The following OR6C1 variants were observed in gnomAD, a reference collection of about 807,000 sequenced individuals.
OR6C1 encodes olfactory receptor 6C1.
For missense variants in OR6C1, 386 were observed against 366.1 expected (o/e 1.05, Z -0.44); for synonymous variants, 157 against 133.3 (o/e 1.18, Z -1.22).
In OR6C1 at chr12:55,321,022, G is replaced by C; in HGVS notation, c.423G>C (p.Leu141=). 1 of 1,613,682 alleles carries C rather than the reference G, an allele frequency of 6.2e-7. No individual in the cohort carries two copies. The highest frequency in any genetic ancestry group is 8.5e-7 in the Non-Finnish European group (1 of 1,179,838). ...LSIMNRRVCT[L]LVFTSWLVSF... is the part of the protein sequence containing the mutation. ...TCATGAATCGAAGAGTCTGCACACT[G>C]CTTGTTTTTACTTCTTGGCTGGTTT... The change falls in exon 2 of 2, where the codon CTG becomes CTC. Residue 141 remains leucine (L), a synonymous_variant. Transcript: ENST00000642104.
At chr12:55,320,215 A>G (rs1868503972) in intron 1 of OR6C1, among the ~76,000 whole-genome samples, 1 of 152,106 alleles carries the variant, frequency 6.6e-6, no homozygotes, top group African/African-American at 2.4e-5. Context: ...TAAATAGGAA[A>G]CTTGTATAGG....
intron 1 of OR6C1, among the ~76,000 whole-genome samples, chr12:55,315,459 A>G (rs960631959): frequency 7.2e-5 from 11 of 151,732 alleles, no homozygotes; most frequent in Admixed American, 5.9e-4. Context: ...TATTTTCCAG[A>G]AACCTTTACA....
intron 1 of OR6C1, among the ~76,000 whole-genome samples, chr12:55,319,127 T>C (rs965348103): frequency 2.6e-5 from 4 of 151,364 alleles, no homozygotes. Flanking sequence ...AAATGACACA[T>C]AGGTAGGCTG....
At chr12:55,316,326 G>C (rs1053698317) in intron 1 of OR6C1, among the ~76,000 whole-genome samples, 1 of 151,698 alleles carries the variant, frequency 6.6e-6, no homozygotes, top group Admixed American at 6.6e-5. Flanking sequence ...GCAAGATATA[G>C]GGTTGTTTCT....
At chr12:55,320,135 C>T (rs777880800) in intron 1 of OR6C1, among the ~76,000 whole-genome samples, 19 of 151,504 alleles carry the variant, frequency 1.3e-4, no homozygotes, top group Non-Finnish European at 2.2e-4. Context: ...AGTGAGACTC[C>T]ACCTCAAAAA....
intron 1 of OR6C1, among the ~76,000 whole-genome samples, chr12:55,315,932 T>G (rs750267150): frequency 6.6e-6 from 1 of 151,470 alleles, no homozygotes; most frequent in African/African-American, 2.4e-5. Flanking sequence ...AGCAATATAG[T>G]TTTTGAAGAT....
intron 1 of OR6C1, among the ~76,000 whole-genome samples, chr12:55,317,433 G>T (rs893301183): frequency 3.3e-5 from 5 of 151,772 alleles, no homozygotes; most frequent in African/African-American, 1.2e-4. Context: ...TTTAAATTTA[G>T]CCAATACGGT....
intron 1 of OR6C1, among the ~76,000 whole-genome samples, 179 bp downstream of exon 1, chr12:55,314,778 A>G (rs995132020): frequency 6.6e-6 from 1 of 151,602 alleles, no homozygotes. Context: ...TCTAATAATT[A>G]AAAGCAGGAA....
rs1316996345 is a variant in OR6C1, at chr12:55,320,743, G to T, written c.144G>T (p.Leu48=). The change falls in exon 2 of 2, where the codon CTG becomes CTT. Residue 48 remains leucine, a synonymous_variant. Coordinates refer to ENST00000642104, the MANE Select transcript of OR6C1 (RefSeq NM_001005182.2). Reference sequence around the variant, plus strand: ...ACCTGACCCTTATCACAATTACCCTGCTGGATTCCCACCTGCAGACCCCCA... The same window carrying T: ...ACCTGACCCTTATCACAATTACCCTTCTGGATTCCCACCTGCAGACCCCCA... ...TGNLTLITIT[L]LDSHLQTPMY... 6.2e-7 allele frequency: 1 copy of T among 1,613,900 alleles called. No homozygotes were observed. The highest frequency in any genetic ancestry group is 8.5e-7 in the Non-Finnish European group (1 of 1,179,988).
chr12:55,315,367 C>G (rs1044506208), intron 1 of OR6C1, among the ~76,000 whole-genome samples: 1 of 151,610 alleles, frequency 6.6e-6, no homozygotes, highest in African/African-American at 2.4e-5. Context: ...CCACAGTTTT[C>G]TGTTAATTTA....
At chr12:55,318,131 A>C (rs1868444284) in intron 1 of OR6C1, among the ~76,000 whole-genome samples, 1 of 151,690 alleles carries the variant, frequency 6.6e-6, no homozygotes, top group Admixed American at 6.6e-5. Context: ...GTTATTACTA[A>C]TGAAGAGCAG....
rs1440209295 is a variant in OR6C1, at chr12:55,321,380, TCAG to T, written c.784_786del (p.Ala262del). On this transcript the variant is annotated inframe_deletion, in exon 2 of 2. Coordinates refer to ENST00000642104, the MANE Select transcript of OR6C1 (RefSeq NM_001005182.2). ...CTGCATTTTTATGTACATTAAACCC[TCAG>T]CAAAAGATAGAGTGTCCTTGAGCAA... 6.2e-7 allele frequency: 1 copy of T among 1,613,998 alleles called. No individual in the cohort carries two copies.
intron 1 of OR6C1, among the ~76,000 whole-genome samples, chr12:55,316,020 A>G (rs1394712462): frequency 4.0e-5 from 6 of 151,572 alleles, no homozygotes; most frequent in Non-Finnish European, 5.9e-5. Flanking sequence ...AAATTTAAAA[A>G]CTAGATTTTC....
chr12:55,315,907 A>T (rs1868400119), intron 1 of OR6C1, among the ~76,000 whole-genome samples: 1 of 151,730 alleles, frequency 6.6e-6, no homozygotes, highest in Admixed American at 6.6e-5. Context: ...TTGAAAAAAA[A>T]CACAGAGTTA....
intron 1 of OR6C1, among the ~76,000 whole-genome samples, chr12:55,319,597 C>CTACCCATAGGA (rs1241161580): frequency 2.0e-5 from 3 of 152,310 alleles, no homozygotes; most frequent in Middle Eastern, 3.4e-3. Flanking sequence ...ATGAGTAAAA[C>CTACCCATAGGA]TACCCATAGG....
Position 55,321,591 on chromosome 12 carries a change from A to G in OR6C1, c.*53A>G. The G allele has an allele frequency of 7.9e-7, 1 of 1,263,528 alleles. No homozygotes were observed. 78.3% of individuals were successfully genotyped at this position (1,263,528 alleles called of 1,614,324 possible). ...ACAGGAAAGGACAATATGAATTTTCAGTAGCTTCTTCAATCAAAATGGCCT... is the reference window on the plus strand; with the variant it reads ...ACAGGAAAGGACAATATGAATTTTCGGTAGCTTCTTCAATCAAAATGGCCT... On this transcript the variant is annotated 3_prime_UTR_variant, in exon 2 of 2. Coordinates refer to ENST00000642104, the MANE Select transcript of OR6C1 (RefSeq NM_001005182.2).
intron 1 of OR6C1, among the ~76,000 whole-genome samples, chr12:55,317,376 T>C (rs1266322576): frequency 6.6e-6 from 1 of 152,100 alleles, no homozygotes; most frequent in Non-Finnish European, 1.5e-5. Flanking sequence ...AAGTTTTCTT[T>C]AAACTTATGT....
chr12:55,321,650 A>T lies in OR6C1; in HGVS notation c.*112A>T. The T allele has an allele frequency of 1.7e-6, 1 of 599,836 alleles. No individual in the cohort carries two copies. Among genetic ancestry groups the T allele is most frequent in the Non-Finnish European group, 2.7e-6 (1 of 366,032 alleles). The allele number at this position is 599,836 out of a possible 1,614,324, so 37.2% of individuals were successfully genotyped here. A position where few individuals can be genotyped will look rare whatever the true frequency, so the allele number is the denominator to read the frequency against. ...TCTTCTGCATCATTTTCTTTTCCCT[A>T]AAAGTTTGCAAGCATATTTATTTAA... On this transcript the variant is annotated 3_prime_UTR_variant, in exon 2 of 2. Transcript: ENST00000642104.
rs1323290337 is a variant in OR6C1 at position 55,322,149 on chromosome 12, T to G, written c.*611T>G. ...CTCCATATTTGTGAATCCCATAATA[T>G]TCTCTCTGTAGAATGACAGATGATG... On this transcript the variant is annotated 3_prime_UTR_variant, in exon 2 of 2. Transcript: ENST00000642104. 4 of 152,024 alleles carry G rather than the reference T, an allele frequency of 2.6e-5. No homozygotes were observed. The highest frequency in any genetic ancestry group is 4.1e-4 in the South Asian group (2 of 4,836). 9.4% of individuals were successfully genotyped at this position (152,024 alleles called of 1,614,324 possible).
Sources: allele counts gnomAD v4.1 joint callset (sites outside exome capture counted in the v4.1 genomes callset), GRCh38; gene constraint gnomAD v4.1.1; transcripts MANE v1.5; gene names NCBI Gene and HGNC (gene_info 2026-07-23, HGNC 2026-07-21).